Variants in GNAI3 observed in about 807,000 individuals in gnomAD.
GNAI3 encodes the protein guanine nucleotide-binding protein G(i) subunit alpha-3.
In GNAI3, 12 loss-of-function variants were observed where a neutral mutation model predicts 41.8. That is an observed-to-expected ratio of 0.29 (90% CI 0.18 to 0.47). The LOEUF (loss-of-function observed/expected upper bound fraction) is 0.47. Ranked by LOEUF, GNAI3 falls within the 20% of genes least tolerant of loss-of-function variation. The pLI, the probability that GNAI3 is intolerant of heterozygous loss-of-function variation, is 1.00. For missense variants in GNAI3, 360 were observed against 429.6 expected (o/e 0.84, Z 1.43); for synonymous variants, 132 against 146.5 (o/e 0.90, Z 0.71).
In GNAI3 at chr1:109,550,690, C is replaced by A. The variant is rs551793074; in HGVS notation, c.118+1852C>A. On this transcript the variant is annotated intron_variant, in intron 1 of 8. Transcript: ENST00000369851. ...CTGGGACTACAGGCGCCCGCCACCACGCCTGGCTAATTTTTTGTATTTTTA... is the reference window on the plus strand; with the variant it reads ...CTGGGACTACAGGCGCCCGCCACCAAGCCTGGCTAATTTTTTGTATTTTTA... Among the ~76,000 whole-genome samples the A allele has an allele frequency of 4.6e-5, 7 of 152,118 alleles. 1 individual carries two copies. The South Asian group carries it at 1.0e-3, about 22-fold the overall frequency.
chr1:109,580,006 A>AT (rs548865541), intron 4 of GNAI3, among the ~76,000 whole-genome samples: 22 of 151,954 alleles, frequency 1.4e-4, no homozygotes, highest in Middle Eastern at 6.8e-3. Flanking sequence ...TTCAGAATGT[A>AT]TTTTTTTTGT....
intron 5 of GNAI3, among the ~76,000 whole-genome samples, chr1:109,585,626 C>G (rs887534789): frequency 2.6e-5 from 4 of 151,966 alleles, no homozygotes; most frequent in African/African-American, 9.7e-5. Context: ...TTTTGAGAGT[C>G]AGAACATGGG....
At chr1:109,555,200 C>T (rs1648108729) in intron 1 of GNAI3, among the ~76,000 whole-genome samples, 1 of 152,040 alleles carries the variant, frequency 6.6e-6, no homozygotes, top group South Asian at 2.1e-4. Context: ...TTCATGTGGA[C>T]CCAAAAAAGA....
intron 1 of GNAI3, among the ~76,000 whole-genome samples, chr1:109,570,779 A>G (rs149959443): frequency 2.0e-4 from 30 of 152,316 alleles, no homozygotes; most frequent in African/African-American, 7.2e-4. Flanking sequence ...AGAGGTAGGC[A>G]GGGGCCAGAG....
chr1:109,581,164 C>T (rs993684862), intron 4 of GNAI3, among the ~76,000 whole-genome samples: 3 of 152,076 alleles, frequency 2.0e-5, no homozygotes, highest in Non-Finnish European at 4.4e-5. Flanking sequence ...GCCATCTGCT[C>T]ATCAGTTTTC....
At chr1:109,553,907 C>G (rs1320404583) in intron 1 of GNAI3, among the ~76,000 whole-genome samples, 2 of 152,134 alleles carry the variant, frequency 1.3e-5, no homozygotes, top group Non-Finnish European at 2.9e-5. Context: ...ATTCTTAGGC[C>G]TTTGCATCCT....
chr1:109,570,451 T>G (rs889937991), intron 1 of GNAI3, among the ~76,000 whole-genome samples: 7 of 152,124 alleles, frequency 4.6e-5, no homozygotes, highest in Non-Finnish European at 8.8e-5. Context: ...GAGCTTATAT[T>G]TTAGTGGGGA....
Position 109,586,247 on chromosome 1 carries a change from C to T in GNAI3, c.622C>T (p.Arg208Ter), listed in dbSNP as rs766202043. The T allele has an allele frequency of 8.7e-6, 14 of 1,613,146 alleles. No individual in the cohort carries two copies. The highest frequency in any genetic ancestry group is 1.1e-5 in the Non-Finnish European group (13 of 1,179,480). The change falls in exon 6 of 9, where the codon CGA becomes TGA. Residue 208 changes from arginine (R) to a stop codon, truncating the protein, a stop_gained. Coordinates refer to ENST00000369851, the MANE Select transcript of GNAI3 (RefSeq NM_006496.4). LOFTEE classifies it high-confidence loss of function. ...MFDVGGQRSE[R>*]KKWIHCFEGV... ...TGATGTAGGTGGCCAAAGATCAGAACGAAAAAAGTGGATTCACTGTTTTGA... is the reference window on the plus strand; with the variant it reads ...TGATGTAGGTGGCCAAAGATCAGAATGAAAAAAGTGGATTCACTGTTTTGA...
At position 109,595,256 on chromosome 1, in the gene GNAI3, T is replaced by A. The variant is rs888720377; in HGVS notation, c.*2934T>A. On this transcript the variant is annotated 3_prime_UTR_variant, in exon 9 of 9. Coordinates refer to ENST00000369851, the MANE Select transcript of GNAI3 (RefSeq NM_006496.4). ...CTTAATGGACAGTCCCCCCTAACCT[T>A]ATAAATTCAGCTTTGCAACAGATTT... 1 of 152,188 alleles carries A rather than the reference T, an allele frequency of 6.6e-6. No individual in the cohort carries two copies. Among genetic ancestry groups the A allele is most frequent in the Non-Finnish European group, 1.5e-5 (1 of 68,020 alleles). 9.4% of individuals were successfully genotyped at this position (152,188 alleles called of 1,614,324 possible). A position where few individuals can be genotyped will look rare whatever the true frequency, so the allele number is the denominator to read the frequency against.
At chr1:109,584,050 G>A (rs1042380995) in intron 5 of GNAI3, among the ~76,000 whole-genome samples, 2 of 151,948 alleles carry the variant, frequency 1.3e-5, no homozygotes, top group African/African-American at 2.4e-5. Context: ...TTTAGTTATG[G>A]CATTATGCTT....
intron 1 of GNAI3, among the ~76,000 whole-genome samples, chr1:109,566,528 A>G (rs946810788): frequency 3.3e-5 from 5 of 152,130 alleles, no homozygotes; most frequent in Non-Finnish European, 5.9e-5. Flanking sequence ...TTAATTAAGT[A>G]TAGTACCTTG....
At chr1:109,554,933 AAAAC>A (rs1324135499) in intron 1 of GNAI3, among the ~76,000 whole-genome samples, 3 of 152,190 alleles carry the variant, frequency 2.0e-5, no homozygotes, top group Non-Finnish European at 2.9e-5. Flanking sequence ...CTGCAAACAA[AAAAC>A]AAACAAACAA....
rs188828094 is a variant in GNAI3 at position 109,592,349 on chromosome 1, T to C, written c.*27T>C. The stretch of plus-strand genomic sequence containing the variant: ...AAGAATATTCTTCTCTTCTAGTTAC[T>C]ACAGTGTGGAGTGTTGAGACCAGAC... On this transcript the variant is annotated 3_prime_UTR_variant, in exon 9 of 9. Transcript: ENST00000369851. The C allele has an allele frequency of 4.4e-6, 3 of 680,470 alleles. No individual in the cohort carries two copies. Among genetic ancestry groups the C allele is most frequent in the Admixed American group, 5.3e-5 (2 of 37,500 alleles). 42.2% of individuals were successfully genotyped at this position (680,470 alleles called of 1,614,324 possible).
Position 109,594,696 on chromosome 1 carries a change from A to G in GNAI3, c.*2374A>G, listed in dbSNP as rs1469856271. ...GAGACGGAGTCTCGCTCTGTCGCCC[A>G]GGCTGGAGTGCAGTGGCGCGATCTC... On this transcript the variant is annotated 3_prime_UTR_variant, in exon 9 of 9. Coordinates refer to ENST00000369851, the MANE Select transcript of GNAI3 (RefSeq NM_006496.4). The G allele has an allele frequency of 1.6e-5, 2 of 127,334 alleles. 1 individual carries two copies. 7.9% of individuals were successfully genotyped at this position (127,334 alleles called of 1,614,324 possible).
At chr1:109,557,708 C>T (rs1024770832) in intron 1 of GNAI3, among the ~76,000 whole-genome samples, 5 of 152,208 alleles carry the variant, frequency 3.3e-5, no homozygotes, top group South Asian at 4.1e-4. Context: ...CCGCCTGACC[C>T]GGTAGTTCAA....
At chr1:109,562,044 T>G (rs544520166) in intron 1 of GNAI3, among the ~76,000 whole-genome samples, 5 of 152,028 alleles carry the variant, frequency 3.3e-5, no homozygotes, top group Non-Finnish European at 7.4e-5. Flanking sequence ...TGGAGAGTGT[T>G]TATGTGAAGT....
chr1:109,549,383 G>C (rs1647920341), intron 1 of GNAI3, among the ~76,000 whole-genome samples: 1 of 152,186 alleles, frequency 6.6e-6, no homozygotes, highest in Non-Finnish European at 1.5e-5. Flanking sequence ...AAGAACCCTG[G>C]ATTATCCAGG....
Position 109,596,952 on chromosome 1 carries a change from T to C in GNAI3, c.*4630T>C, listed in dbSNP as rs1310034216. ...GTTGAATAGCCCTTATCCAAATCTC[T>C]TGGGACCAGAAGTGTTTGAGAGTTC... On this transcript the variant is annotated 3_prime_UTR_variant, in exon 9 of 9. Coordinates refer to ENST00000369851, the MANE Select transcript of GNAI3 (RefSeq NM_006496.4). 6.6e-6 allele frequency: 1 copy of C among 152,180 alleles called. No homozygotes were observed. The highest frequency in any genetic ancestry group is 1.5e-5 in the Non-Finnish European group (1 of 68,032). 9.4% of individuals were successfully genotyped at this position (152,180 alleles called of 1,614,324 possible).
chr1:109,556,308 G>A (rs1351552838), intron 1 of GNAI3, among the ~76,000 whole-genome samples: 1 of 152,062 alleles, frequency 6.6e-6, no homozygotes, highest in African/African-American at 2.4e-5. Context: ...CTCCCAAAAT[G>A]TTGAGATTAT....
Sources: gnomAD v4.1 joint callset for allele counts (sites outside exome capture counted in the v4.1 genomes callset) on GRCh38, gnomAD v4.1.1 for gene constraint, MANE v1.5 for transcripts, NCBI Gene and HGNC (gene_info 2026-07-23, HGNC 2026-07-21) for gene names.